SPEN: variants seen among roughly 807,000 people sequenced by gnomAD.
SPEN encodes the protein msx2-interacting protein.
A neutral mutation model predicts 269.9 loss-of-function variants in SPEN; 18 were observed. The observed-to-expected ratio is 0.07, with a 90% CI of 0.05 to 0.10. The LOEUF (loss-of-function observed/expected upper bound fraction) is 0.10, where lower values mean the gene tolerates loss of function less well. Ranked by LOEUF, SPEN falls within the 10% of genes least tolerant of loss-of-function variation. SPEN has a pLI of 1.00. For synonymous variants in SPEN, 1,726 were observed against 1,765.7 expected, an observed-to-expected ratio of 0.98 and a Z score of 0.56; for missense variants, 3,822 against 4,631.2, an observed-to-expected ratio of 0.83 and a Z score of 5.07.
intron 10 of SPEN, among the ~76,000 whole-genome samples, chr1:15,924,372 A>G (rs1413676844): frequency 6.6e-6 from 1 of 152,216 alleles, no homozygotes; most frequent in Non-Finnish European, 1.5e-5. Context: ...TCCTCTGTGT[A>G]CATTAAATAT....
intron 3 of SPEN, among the ~76,000 whole-genome samples, chr1:15,898,565 T>TC (rs1012239064): frequency 5.4e-5 from 8 of 148,996 alleles, no homozygotes; most frequent in Non-Finnish European, 1.2e-4. Context: ...TTTCTTTTTT[T>TC]TTTTTTTTGT....
chr1:15,911,061 A>C, intron 4 of SPEN, 40 bp from the exon 5 acceptor site: 2 of 1,501,788 alleles, frequency 1.3e-6, no homozygotes, highest in Non-Finnish European at 1.8e-6. Flanking sequence ...TTATAATTAA[A>C]TTAGAAGAAT....
chr1:15,935,890 T>G lies in SPEN; in HGVS notation c.9650T>G (p.Val3217Gly). The G allele has an allele frequency of 6.2e-7, 1 of 1,612,968 alleles. No homozygotes were observed. Among genetic ancestry groups the G allele is most frequent in the Non-Finnish European group, 8.5e-7 (1 of 1,179,908 alleles). The part of the protein sequence containing the change: ...SEQPRAADGV[V>G]KVPPASKAPQ... ...CAGCCCAGGGCCGCGGATGGGGTGG[T>G]GAAGGTGCCACCAGCCAGCAAGGCC... Residue 3217 changes from valine (V) to glycine (G), a missense_variant, in exon 11 of 15, where the codon GTG (valine) becomes GGG (glycine). This residue lies in a region of SPEN where 359 missense variants were observed against 377.3 expected (regional missense o/e 0.95). Coordinates refer to ENST00000375759, the MANE Select transcript of SPEN (RefSeq NM_015001.3). The surrounding 1 kb of genome is among the most constrained non-coding windows in gnomAD (Gnocchi z 7.7).
chr1:15,885,537 A>T (rs897753100), intron 3 of SPEN, among the ~76,000 whole-genome samples: 16 of 152,204 alleles, frequency 1.1e-4, no homozygotes, highest in African/African-American at 3.9e-4. Context: ...TGTATGATTA[A>T]GTATGCTCTT....
At chr1:15,861,706 T>G (rs146030275) in intron 1 of SPEN, among the ~76,000 whole-genome samples, 2 of 151,976 alleles carry the variant, frequency 1.3e-5, no homozygotes, top group East Asian at 3.9e-4. Flanking sequence ...CAAAACTCCT[T>G]GCTTTAAACA....
intron 3 of SPEN, among the ~76,000 whole-genome samples, chr1:15,902,865 C>G (rs1055187263): frequency 6.6e-6 from 1 of 152,048 alleles, no homozygotes; most frequent in African/African-American, 2.4e-5. Flanking sequence ...GCAGTGTTTT[C>G]TAATTGCCCT....
intron 3 of SPEN, among the ~76,000 whole-genome samples, chr1:15,895,749 C>T (rs1015828124): frequency 2.1e-5 from 3 of 145,084 alleles, no homozygotes; most frequent in Non-Finnish European, 4.5e-5. Context: ...GGCATGATCT[C>T]GGCTCACTGC....
At chr1:15,889,710 C>T (rs997096563) in intron 3 of SPEN, among the ~76,000 whole-genome samples, 2 of 149,668 alleles carry the variant, frequency 1.3e-5, no homozygotes, top group Non-Finnish European at 3.0e-5. Flanking sequence ...TATAGAACAC[C>T]TTTTTTTTTT....
intron 7 of SPEN, 64 bp downstream of exon 7, chr1:15,919,115 G>GTT (rs35883633): frequency 4.8e-5 from 62 of 1,296,544 alleles, no homozygotes; most frequent in African/African-American, 6.1e-5. Flanking sequence ...GACTTGAAGG[G>GTT]TTTTTTTTTT....
rs776474446 is a variant in SPEN at position 15,935,970 on chromosome 1, A to G, written c.9730A>G (p.Thr3244Ala). 43 of 758,952 alleles carry G rather than the reference A, an allele frequency of 5.7e-5. No individual in the cohort carries two copies. Among genetic ancestry groups the G allele is most frequent in the Non-Finnish European group, 7.5e-5 (40 of 536,454 alleles). 47.0% of individuals were successfully genotyped at this position (758,952 alleles called of 1,614,324 possible). A position where few individuals can be genotyped will look rare whatever the true frequency, so the allele number is the denominator to read the frequency against. Residue 3244 changes from threonine (T) to alanine (A), a missense_variant, in exon 11 of 15, where the codon ACC becomes GCC. Around this residue, in one of 16 missense-constraint regions of SPEN, gnomAD observed 359 missense variants for 377.3 expected, o/e 0.95. Coordinates refer to ENST00000375759, the MANE Select transcript of SPEN (RefSeq NM_015001.3). The surrounding 1 kb of genome is among the most constrained non-coding windows in gnomAD (Gnocchi z 7.7). ...GACACCAGATGCCAAAGCTGCCCCCACCCCCACCCCTGCCCCCGTCCCTGT... is the reference window on the plus strand; with the variant it reads ...GACACCAGATGCCAAAGCTGCCCCCGCCCCCACCCCTGCCCCCGTCCCTGT... ...AKTPDAKAAP[T>A]PTPAPVPVPV...
At position 15,848,750 on chromosome 1, in the gene SPEN, A is replaced by G; in HGVS notation, c.83+600A>G. ...GCCTTGAAACTCACTGGGAATGGCAAACGTTTCTCGTTTTTGCGGGGCTGG... is the reference window on the plus strand; with the variant it reads ...GCCTTGAAACTCACTGGGAATGGCAGACGTTTCTCGTTTTTGCGGGGCTGG... On this transcript the variant is annotated intron_variant, in intron 1 of 14. Transcript: ENST00000375759. The surrounding 1 kb of genome is among the most constrained non-coding windows in gnomAD (Gnocchi z 5.1). Among the ~76,000 whole-genome samples the G allele has an allele frequency of 6.6e-6, 1 of 152,172 alleles. No individual in the cohort carries two copies. The highest frequency in any genetic ancestry group is 1.9e-4 in the East Asian group (1 of 5,190).
intron 1 of SPEN, among the ~76,000 whole-genome samples, chr1:15,860,598 G>A (rs1446182132): frequency 6.6e-6 from 1 of 151,084 alleles, no homozygotes. Context: ...TGTGAGTCTG[G>A]CTATTAGTGA....
At chr1:15,911,034 G>A in intron 4 of SPEN, 67 bp from the exon 5 acceptor site, 5 of 1,303,388 alleles carry the variant, frequency 3.8e-6, no homozygotes, top group Non-Finnish European at 4.3e-6. Context: ...TAAAGATTTA[G>A]TAGGTTGCTT....
intron 5 of SPEN, among the ~76,000 whole-genome samples, chr1:15,914,365 AT>A (rs1272895598): frequency 1.3e-5 from 2 of 152,182 alleles, no homozygotes; most frequent in East Asian, 3.8e-4. Flanking sequence ...TTAAATATTA[AT>A]TTTTTGGATG....
At chr1:15,884,224 C>T (rs545418793) in intron 3 of SPEN, among the ~76,000 whole-genome samples, 2 of 152,220 alleles carry the variant, frequency 1.3e-5, no homozygotes, top group East Asian at 3.9e-4. Context: ...TGAAAGTCTG[C>T]AGTCTAATAA....
rs770528530 is a variant in SPEN, at chr1:15,876,305, T to A, written c.508T>A (p.Tyr170Asn). The A allele has an allele frequency of 1.2e-6, 2 of 1,613,990 alleles. No individual in the cohort carries two copies. The highest frequency in any genetic ancestry group is 1.7e-5 in the Admixed American group (1 of 59,966). The change falls in exon 3 of 15, where the codon TAT becomes AAT. Residue 170 changes from tyrosine (Y) to asparagine (N), a missense_variant. Coordinates refer to ENST00000375759, the MANE Select transcript of SPEN (RefSeq NM_015001.3). The stretch of plus-strand genomic sequence containing the variant: ...GACAAGACATTACGATCAGGATTAC[T>A]ATAGAGATCCTCGAGAGCGGACTTT... ...DRTRHYDQDY[Y>N]RDPRERTLQH... is the part of the protein sequence containing the mutation.
At position 15,876,626 on chromosome 1, in the gene SPEN, A is replaced by G. The variant is rs2070633642; in HGVS notation, c.829A>G (p.Arg277Gly). The G allele has an allele frequency of 1.9e-6, 3 of 1,613,758 alleles. No individual in the cohort carries two copies. Among genetic ancestry groups the G allele is most frequent in the African/African-American group, 1.3e-5 (1 of 74,928 alleles). ...CCCTAGCGGCAGCGGCTCTAGAAGT[A>G]GATCCTCCAGTAGTGATTCAATCAG... ...RSPSGSGSRS[R>G]SSSSDSISSS... The change falls in exon 3 of 15, where the codon AGA (arginine) becomes GGA (glycine). Residue 277 changes from arginine to glycine, a missense_variant. Transcript: ENST00000375759.
chr1:15,938,097 T>C lies in SPEN; in HGVS notation c.10704+91T>C, dbSNP rs2071295841. 5 of 1,167,412 alleles carry C rather than the reference T, an allele frequency of 4.3e-6. No homozygotes were observed. The African/African-American group carries it at 4.6e-5, about 11-fold the overall frequency. 72.3% of individuals were successfully genotyped at this position (1,167,412 alleles called of 1,614,324 possible). Reference sequence around the variant, plus strand: ...GCCAGCCCATCTCCCTGGCCTGTCATGGAAGCATTAACTGTATTCTTGTTG... The same window carrying C: ...GCCAGCCCATCTCCCTGGCCTGTCACGGAAGCATTAACTGTATTCTTGTTG... On this transcript the variant is annotated intron_variant, in intron 13 of 14. Coordinates refer to ENST00000375759, the MANE Select transcript of SPEN (RefSeq NM_015001.3).
At position 15,939,583 on chromosome 1, in the gene SPEN, C is replaced by T; in HGVS notation, c.*156C>T. 1.1e-6 allele frequency: 1 copy of T among 875,752 alleles called. No homozygotes were observed. 54.2% of individuals were successfully genotyped at this position (875,752 alleles called of 1,614,324 possible). On this transcript the variant is annotated 3_prime_UTR_variant, in exon 15 of 15. Coordinates refer to ENST00000375759, the MANE Select transcript of SPEN (RefSeq NM_015001.3). This position sits in a 1 kb window ranked among gnomAD's most constrained non-coding sequence, Gnocchi z 4.1. ...TGTCCTGCCGCCCGGCTCAGTCGGC[C>T]AGACTTCCTCTAGGAGTGGTGCTGC... is the stretch of plus-strand genomic sequence containing the variant.
Sources: allele counts gnomAD v4.1 joint callset (sites outside exome capture counted in the v4.1 genomes callset), GRCh38; gene constraint gnomAD v4.1.1; regional missense constraint gnomAD v4.1.1; non-coding constraint Gnocchi (gnomAD v3.1); transcripts MANE v1.5; gene names NCBI Gene and HGNC (gene_info 2026-07-23, HGNC 2026-07-21).